The following STMN2 variants were observed in gnomAD, a reference collection of about 807,000 sequenced individuals.
The protein encoded by STMN2 is stathmin-2.
Under a neutral mutation model 24.1 loss-of-function variants are expected in STMN2, and 2 were observed. The ratio of observed to expected loss-of-function variants is 0.08; its 90% CI spans 0.03 to 0.26. The LOEUF (loss-of-function observed/expected upper bound fraction) is 0.26, where lower values mean the gene tolerates loss of function less well. STMN2 is among the 10% of genes least tolerant of loss of function. The pLI is 1.00. For synonymous variants in STMN2, 83 were observed against 77.5 expected (o/e 1.07, Z -0.37); for missense variants, 114 against 213.6 (o/e 0.53, Z 2.91).
chr8:79,658,436 C>G (rs1806425299), intron 4 of STMN2, among the ~76,000 whole-genome samples: 1 of 152,172 alleles, frequency 6.6e-6, no homozygotes, highest in Admixed American at 6.5e-5. Context: ...CCAACCATGT[C>G]TTTCCCAATA....
chr8:79,639,379 A>T (rs1810041325), intron 2 of STMN2, among the ~76,000 whole-genome samples: 1 of 152,232 alleles, frequency 6.6e-6, no homozygotes, highest in South Asian at 2.1e-4. Flanking sequence ...TGGCCTAATC[A>T]TGGGTAGCTT....
At chr8:79,654,611 TC>T (rs1450672989) in intron 3 of STMN2, among the ~76,000 whole-genome samples, 2 of 152,122 alleles carry the variant, frequency 1.3e-5, no homozygotes, top group Non-Finnish European at 2.9e-5. Context: ...AATTTGTAAC[TC>T]CTCAATGAGG....
intron 1 of STMN2, chr8:79,611,742 G>C: frequency 1.0e-6 from 1 of 984,882 alleles, no homozygotes; most frequent in Non-Finnish European, 1.2e-6. Context: ...CACATTTTAC[G>C]GTATTGTCTC....
intron 3 of STMN2, among the ~76,000 whole-genome samples, chr8:79,647,194 T>G (rs1443697264): frequency 6.6e-6 from 1 of 152,220 alleles, no homozygotes; most frequent in Non-Finnish European, 1.5e-5. Context: ...AAATAACTAT[T>G]AATAAATTAT....
chr8:79,625,117 A>C (rs7812506), intron 1 of STMN2, among the ~76,000 whole-genome samples: 22,389 of 152,130 alleles, frequency 0.15, 1,798 homozygotes, highest in African/African-American at 0.17. Flanking sequence ...AAATCTAATG[A>C]TCTTTCCACT....
chr8:79,646,188 T>A (rs1810213724), intron 3 of STMN2, among the ~76,000 whole-genome samples: 1 of 152,068 alleles, frequency 6.6e-6, no homozygotes, highest in African/African-American at 2.4e-5. Context: ...ACATCTGAAA[T>A]TGCACTAAGG....
chr8:79,648,660 G>C (rs995521016), intron 3 of STMN2, among the ~76,000 whole-genome samples: 1 of 151,940 alleles, frequency 6.6e-6, no homozygotes, highest in African/African-American at 2.4e-5. Flanking sequence ...ACAAGGTTTT[G>C]TCATGTTGGC....
At chr8:79,637,837 A>G (rs1425686398) in intron 2 of STMN2, among the ~76,000 whole-genome samples, 2 of 152,208 alleles carry the variant, frequency 1.3e-5, no homozygotes, top group African/African-American at 4.8e-5. Context: ...TAATGACAAA[A>G]CAAACTGACC....
intron 2 of STMN2, 50 bp from the exon 3 acceptor site, chr8:79,641,328 C>T: frequency 5.1e-6 from 8 of 1,568,770 alleles, no homozygotes; most frequent in Non-Finnish European, 6.0e-6. Context: ...TAAAATAAAC[C>T]CATGCTGCAA....
intron 1 of STMN2, among the ~76,000 whole-genome samples, chr8:79,612,044 C>T (rs1381350679): frequency 1.3e-5 from 2 of 151,866 alleles, no homozygotes; most frequent in African/African-American, 2.4e-5. Context: ...CGGACAGCCC[C>T]ACCCAGTGCG....
chr8:79,611,789 G>C lies in STMN2; in HGVS notation c.19+575G>C, dbSNP rs1809231793. 1.5e-5 allele frequency: 14 copies of C among 940,064 alleles called. No individual in the cohort carries two copies. In the Admixed American group the frequency reaches 8.6e-4, roughly 58 times the overall value. 58.2% of individuals were successfully genotyped at this position (940,064 alleles called of 1,614,324 possible). A position where few individuals can be genotyped will look rare whatever the true frequency, so the allele number is the denominator to read the frequency against. On this transcript the variant is annotated intron_variant, in intron 1 of 4. Coordinates refer to ENST00000220876, the MANE Select transcript of STMN2 (RefSeq NM_007029.4). ...CGCTAGTCCTGGGGTGCGGTGCAGG[G>C]AGGTAAGACGGCGGGGGACAGGGTG...
chr8:79,630,426 C>T (rs1585885179), intron 1 of STMN2, among the ~76,000 whole-genome samples: 1 of 152,246 alleles, frequency 6.6e-6, no homozygotes, highest in Middle Eastern at 3.4e-3. Flanking sequence ...TAGAAGTCAA[C>T]GTTTATTTTC....
intron 1 of STMN2, among the ~76,000 whole-genome samples, chr8:79,624,265 T>C (rs1809590735): frequency 6.6e-6 from 1 of 151,726 alleles, no homozygotes; most frequent in African/African-American, 2.4e-5. Flanking sequence ...CCATCCTGGC[T>C]AACACGGTGA....
chr8:79,646,026 T>C (rs933396691), intron 3 of STMN2, among the ~76,000 whole-genome samples: 4 of 152,214 alleles, frequency 2.6e-5, no homozygotes, highest in Admixed American at 2.0e-4. Flanking sequence ...CAACTCCTGT[T>C]AGTCATTGCC....
intron 3 of STMN2, among the ~76,000 whole-genome samples, chr8:79,641,762 G>A (rs1029746541): frequency 2.6e-5 from 4 of 152,040 alleles, no homozygotes; most frequent in South Asian, 4.2e-4. Flanking sequence ...GGTAAAAACT[G>A]TAAGATAGAT....
At chr8:79,612,174 G>GCGCTCCC (rs1180816719) in intron 1 of STMN2, among the ~76,000 whole-genome samples, 1 of 144,934 alleles carries the variant, frequency 6.9e-6, no homozygotes, top group Non-Finnish European at 1.5e-5. Flanking sequence ...GCCACGCCCC[G>GCGCTCCC]CGCTCCCCGC....
intron 1 of STMN2, among the ~76,000 whole-genome samples, chr8:79,634,974 C>T (rs1039047): frequency 0.16 from 25,047 of 152,118 alleles, 2,725 homozygotes; most frequent in East Asian, 0.41. Flanking sequence ...TTTATACTTT[C>T]TCACAAGTTA....
rs200801619 is a variant in STMN2 at position 79,664,894 on chromosome 8, C to T, written c.*20C>T. On this transcript the variant is annotated 3_prime_UTR_variant, in exon 5 of 5. Transcript: ENST00000220876. ...GGCTGAAGCAAGGGAGGGTCTGGCA[C>T]GCCCCACCAATAGTAAATCCCCCTG... 5.0e-5 allele frequency: 81 copies of T among 1,610,484 alleles called. No individual in the cohort carries two copies. Among genetic ancestry groups the T allele is most frequent in the Middle Eastern group, 3.3e-4 (2 of 6,056 alleles).
At chr8:79,645,060 C>T (rs1245769451) in intron 3 of STMN2, among the ~76,000 whole-genome samples, 1 of 151,518 alleles carries the variant, frequency 6.6e-6, no homozygotes, top group Non-Finnish European at 1.5e-5. Flanking sequence ...GAGGCTGAGG[C>T]AGAAGAATTG....
Sources: allele counts gnomAD v4.1 joint callset (sites outside exome capture counted in the v4.1 genomes callset), GRCh38; gene constraint gnomAD v4.1.1; transcripts MANE v1.5; gene names NCBI Gene and HGNC (gene_info 2026-07-23, HGNC 2026-07-21).